Variants in GMDS observed in about 807,000 individuals in gnomAD.
GMDS encodes GDP-mannose 4,6 dehydratase.
A neutral mutation model predicts 49.9 loss-of-function variants in GMDS; 20 were observed. The ratio of observed to expected loss-of-function variants is 0.40; its 90% CI spans 0.28 to 0.58. The LOEUF is 0.58. Among genes scored for constraint, GMDS ranks in the 20% least tolerant of loss-of-function variants. The pLI, the probability that GMDS is intolerant of heterozygous loss-of-function variation, is 0.42. For missense variants in GMDS, 362 were observed against 481.4 expected (o/e 0.75, Z 2.32); for synonymous variants, 177 against 178.6 (o/e 0.99, Z 0.07).
At chr6:1,786,974 G>A (rs374966339) in intron 7 of GMDS, among the ~76,000 whole-genome samples, 16 of 152,262 alleles carry the variant, frequency 1.1e-4, no homozygotes, top group South Asian at 2.1e-4. Context: ...CTCTGCCAGC[G>A]CGTACCCACA....
intron 7 of GMDS, among the ~76,000 whole-genome samples, chr6:1,799,799 C>T (rs555443246): frequency 3.9e-5 from 6 of 152,278 alleles, no homozygotes; most frequent in Non-Finnish European, 7.3e-5. Flanking sequence ...AAACAAACTG[C>T]GTACTTTGTT....
chr6:2,124,503 C>G (rs530401536), intron 2 of GMDS, among the ~76,000 whole-genome samples, 184 bp downstream of exon 2: 6 of 152,312 alleles, frequency 3.9e-5, no homozygotes, highest in African/African-American at 1.4e-4. Flanking sequence ...TGCTCACCAG[C>G]AGATAAACAG....
chr6:1,680,016 A>G (rs1310292475), intron 9 of GMDS: 1 of 152,254 alleles, frequency 6.6e-6, no homozygotes, highest in Non-Finnish European at 1.5e-5. Flanking sequence ...TGGATAAGCC[A>G]TAGCCACATT....
intron 7 of GMDS, among the ~76,000 whole-genome samples, chr6:1,758,116 A>G (rs1363470328): frequency 6.6e-6 from 1 of 152,184 alleles, no homozygotes; most frequent in Non-Finnish European, 1.5e-5. Context: ...TTCAAGAGGG[A>G]GAAGGAACCT....
rs149660113 is a variant in GMDS, at chr6:2,238,542, C to T, written c.102+6779G>A. ...ACATACCCCTAACTGCATTCCCAAG[C>T]ACTTCTCCATCCTTCTCTCATTCCT... On this transcript the variant is annotated intron_variant, in intron 1 of 10. Coordinates refer to ENST00000380815, the MANE Select transcript of GMDS (RefSeq NM_001500.4). Among the ~76,000 whole-genome samples, 3 of 152,294 alleles carry T rather than the reference C, an allele frequency of 2.0e-5. No individual in the cohort carries two copies. In the East Asian group the frequency reaches 5.8e-4, roughly 29 times the overall value.
intron 9 of GMDS, among the ~76,000 whole-genome samples, chr6:1,720,415 T>C (rs1429048199): frequency 1.3e-5 from 2 of 152,004 alleles, no homozygotes; most frequent in Admixed American, 6.5e-5. Context: ...GAAAGGCCAA[T>C]GTGATTAAGG....
chr6:2,153,271 C>T (rs780181989), intron 1 of GMDS, among the ~76,000 whole-genome samples: 13 of 152,140 alleles, frequency 8.5e-5, no homozygotes, highest in South Asian at 2.1e-4. Flanking sequence ...GCATTTACAA[C>T]CCTAGACCAG....
chr6:2,122,266 C>G (rs1775181103), intron 2 of GMDS, among the ~76,000 whole-genome samples: 1 of 152,196 alleles, frequency 6.6e-6, no homozygotes, highest in Non-Finnish European at 1.5e-5. Flanking sequence ...CAATGTCACA[C>G]TGACTGGGGT....
intron 1 of GMDS, among the ~76,000 whole-genome samples, chr6:2,200,234 G>T (rs1779448828): frequency 6.6e-6 from 1 of 152,104 alleles, no homozygotes; most frequent in Admixed American, 6.6e-5. Flanking sequence ...AAGTGCTATA[G>T]GAAAAAACAC....
intron 4 of GMDS, among the ~76,000 whole-genome samples, chr6:2,059,278 ATTGT>A (rs1770978118): frequency 6.7e-6 from 1 of 149,300 alleles, no homozygotes; most frequent in Non-Finnish European, 1.5e-5. Context: ...TATTTGAACT[ATTGT>A]TTTTTTAATT....
intron 9 of GMDS, among the ~76,000 whole-genome samples, chr6:1,647,016 C>T (rs1465845567): frequency 6.6e-6 from 1 of 152,176 alleles, no homozygotes; most frequent in East Asian, 1.9e-4. Context: ...CCTTCCTTGC[C>T]CTGGCTAGGG....
intron 1 of GMDS, among the ~76,000 whole-genome samples, chr6:2,130,940 C>A (rs576954888): frequency 9.2e-4 from 138 of 150,464 alleles, no homozygotes; most frequent in Non-Finnish European, 1.8e-3. Flanking sequence ...ATTTTTTTTT[C>A]AGGGAATTAT....
At chr6:1,940,520 G>A (rs1762772540) in intron 6 of GMDS, among the ~76,000 whole-genome samples, 1 of 152,210 alleles carries the variant, frequency 6.6e-6, no homozygotes, top group Non-Finnish European at 1.5e-5. Context: ...ACACTGAGAA[G>A]GTCATGGCTG....
intron 4 of GMDS, among the ~76,000 whole-genome samples, chr6:2,111,267 GA>G (rs1774532151): frequency 6.6e-6 from 1 of 152,190 alleles, no homozygotes; most frequent in Admixed American, 6.5e-5. Flanking sequence ...AAATGGGCAG[GA>G]CTACGCATTG....
At chr6:1,683,982 G>A (rs995088212) in intron 9 of GMDS, among the ~76,000 whole-genome samples, 2 of 66,082 alleles carry the variant, frequency 3.0e-5, no homozygotes, top group Non-Finnish European at 3.7e-5. Context: ...GCCTGGATCC[G>A]CCCTCTATCA....
chr6:1,685,304 G>C (rs1424777242), intron 9 of GMDS, among the ~76,000 whole-genome samples: 2 of 152,144 alleles, frequency 1.3e-5, no homozygotes, highest in Non-Finnish European at 2.9e-5. Context: ...GGGAGGCTGA[G>C]GCCGGAGCCG....
chr6:2,130,431 C>T (rs536557759), intron 1 of GMDS, among the ~76,000 whole-genome samples: 5 of 152,324 alleles, frequency 3.3e-5, no homozygotes, highest in East Asian at 3.9e-4. Flanking sequence ...AATGAAGAAT[C>T]GTTTATGTCC....
chr6:1,998,767 T>C (rs1312454321), intron 4 of GMDS, among the ~76,000 whole-genome samples: 2 of 152,152 alleles, frequency 1.3e-5, no homozygotes, highest in Non-Finnish European at 2.9e-5. Context: ...TCATTTTACA[T>C]AAGCAACTTG....
chr6:1,747,932 G>A (rs996686398), intron 7 of GMDS, among the ~76,000 whole-genome samples: 2 of 151,852 alleles, frequency 1.3e-5, no homozygotes, highest in Admixed American at 6.6e-5. Context: ...AAGATACGAC[G>A]TTACTGAACA....
Sources: gnomAD v4.1 joint callset for allele counts (sites outside exome capture counted in the v4.1 genomes callset) on GRCh38, gnomAD v4.1.1 for gene constraint, MANE v1.5 for transcripts, NCBI Gene and HGNC (gene_info 2026-07-23, HGNC 2026-07-21) for gene names.